MYO18B: variants seen among roughly 807,000 people sequenced by gnomAD.
The protein encoded by MYO18B is unconventional myosin-XVIIIb.
MYO18B carries 204 observed loss-of-function variants against 273.0 expected under a neutral mutation model. The observed-to-expected ratio is 0.75, with a 90% CI of 0.67 to 0.84. MYO18B has a LOEUF of 0.84. Among genes scored for constraint, MYO18B ranks in the 40% least tolerant of loss-of-function variants. The pLI, the probability that MYO18B is intolerant of heterozygous loss-of-function variation, is 0.00. For missense variants in MYO18B, 3,212 were observed against 3,287.6 expected (o/e 0.98, Z 0.56); for synonymous variants, 1,330 against 1,305.7 (o/e 1.02, Z -0.40).
chr22:25,770,800 C>A (rs1237126132), intron 5 of MYO18B, 72 bp from the exon 6 acceptor site: 3 of 1,089,422 alleles, frequency 2.8e-6, no homozygotes, highest in African/African-American at 1.6e-5. Context: ...TTATCTCCTG[C>A]CCTCGCCTCT....
rs577217976 is a variant in MYO18B, at chr22:25,980,165, C to A, written c.6157-12198C>A. 1.6e-4 allele frequency among the ~76,000 whole-genome samples: 24 copies of A among 152,240 alleles called. 1 individual carries two copies. In the South Asian group the frequency reaches 4.8e-3, roughly 30 times the overall value. ...CATGCTCCAAGACTCCGTTTTGGCCCCTGGTATCTGGCATGTGTGTCCAGA... is the reference window on the plus strand; with the variant it reads ...CATGCTCCAAGACTCCGTTTTGGCCACTGGTATCTGGCATGTGTGTCCAGA... On this transcript the variant is annotated intron_variant, in intron 39 of 43. Coordinates refer to ENST00000335473, the MANE Select transcript of MYO18B (RefSeq NM_032608.7).
At chr22:25,857,906 G>A (rs928921874) in intron 21 of MYO18B, among the ~76,000 whole-genome samples, 4 of 152,254 alleles carry the variant, frequency 2.6e-5, no homozygotes, top group African/African-American at 9.6e-5. Context: ...AACCACCTTG[G>A]TCTACCAAAG....
chr22:25,829,287 C>A (rs1004320763), intron 15 of MYO18B, among the ~76,000 whole-genome samples: 1 of 152,186 alleles, frequency 6.6e-6, no homozygotes, highest in African/African-American at 2.4e-5. Flanking sequence ...GCAGAAGGCT[C>A]CTCCAAGAGT....
chr22:25,764,397 T>G (rs1250687070), intron 3 of MYO18B, among the ~76,000 whole-genome samples: 1 of 152,162 alleles, frequency 6.6e-6, no homozygotes, highest in Non-Finnish European at 1.5e-5. Flanking sequence ...AGGGCATCTC[T>G]TTGTGTCTCC....
chr22:25,932,346 C>T (rs2092514905), intron 34 of MYO18B, among the ~76,000 whole-genome samples: 1 of 151,624 alleles, frequency 6.6e-6, no homozygotes, highest in Middle Eastern at 3.2e-3. Context: ...TCCTTCCTTC[C>T]TTCTTTCTTC....
intron 41 of MYO18B, 50 bp downstream of exon 41, chr22:26,003,359 G>A: frequency 6.5e-7 from 1 of 1,533,784 alleles, no homozygotes; most frequent in South Asian, 1.2e-5. Context: ...TGAGCCCCTG[G>A]CTCTCTCTGT....
rs931374147 is a variant in MYO18B at position 25,868,262 on chromosome 22, C to G, written c.3886-58C>G. 16 of 1,456,582 alleles carry G rather than the reference C, an allele frequency of 1.1e-5. No homozygotes were observed. In the South Asian group the frequency reaches 1.7e-4, roughly 16 times the overall value. 90.2% of individuals were successfully genotyped at this position (1,456,582 alleles called of 1,614,324 possible). A position where few individuals can be genotyped will look rare whatever the true frequency, so the allele number is the denominator to read the frequency against. ...CAGCCATCGAGCCAGCTTGACTTTC[C>G]CCTTTAGGATCCTCCTACCTTCTAT... On this transcript the variant is annotated intron_variant, in intron 21 of 43. Transcript: ENST00000335473.
At chr22:25,858,631 G>A (rs2090642614) in intron 21 of MYO18B, among the ~76,000 whole-genome samples, 1 of 152,048 alleles carries the variant, frequency 6.6e-6, no homozygotes, top group African/African-American at 2.4e-5. Flanking sequence ...ATGGAACTCT[G>A]TAAGTGGGGG....
At chr22:25,916,250 TAG>T (rs1371644801) in intron 33 of MYO18B, among the ~76,000 whole-genome samples, 2 of 152,192 alleles carry the variant, frequency 1.3e-5, no homozygotes, top group African/African-American at 4.8e-5. Flanking sequence ...TTAGTCTTGT[TAG>T]AGTTTTGTCT....
intron 12 of MYO18B, among the ~76,000 whole-genome samples, chr22:25,809,667 A>C (rs5761241): frequency 2.0e-5 from 3 of 152,048 alleles, no homozygotes; most frequent in African/African-American, 7.2e-5. Context: ...GCTGTAACTC[A>C]GGGAGCCAGG....
intron 12 of MYO18B, among the ~76,000 whole-genome samples, chr22:25,798,556 T>C (rs2088033702): frequency 6.6e-6 from 1 of 151,806 alleles, no homozygotes; most frequent in South Asian, 2.1e-4. Flanking sequence ...CTGTGTTTTT[T>C]TCTTTTTCTT....
rs188321664 is a variant in MYO18B at position 25,836,070 on chromosome 22, G to A, written c.3208+627G>A. 2.6e-5 allele frequency among the ~76,000 whole-genome samples: 4 copies of A among 152,306 alleles called. No homozygotes were observed. The East Asian group carries it at 7.7e-4, about 29-fold the overall frequency. ...CTGCCCCAGGAGGTAGAAACCTCTG[G>A]AAGTGTTTAGCAGGTAAAGTCCATA... On this transcript the variant is annotated intron_variant, in intron 17 of 43. Coordinates refer to ENST00000335473, the MANE Select transcript of MYO18B (RefSeq NM_032608.7).
chr22:25,932,825 G>A (rs956471966), intron 34 of MYO18B, among the ~76,000 whole-genome samples: 1 of 128,584 alleles, frequency 7.8e-6, no homozygotes, highest in Non-Finnish European at 1.7e-5. Context: ...GGTGAGCAAA[G>A]AATTTTTTTT....
intron 34 of MYO18B, among the ~76,000 whole-genome samples, chr22:25,924,798 C>T (rs1457685543): frequency 6.6e-6 from 1 of 152,142 alleles, no homozygotes; most frequent in East Asian, 1.9e-4. Flanking sequence ...AAGGCTAATG[C>T]ACCCTTCTAG....
At chr22:25,824,927 C>T (rs975216328) in intron 13 of MYO18B, among the ~76,000 whole-genome samples, 5 of 152,006 alleles carry the variant, frequency 3.3e-5, no homozygotes, top group Admixed American at 6.6e-5. Context: ...GAATCACACA[C>T]ATGCACAGAC....
Position 25,947,702 on chromosome 22 carries a change from C to T in MYO18B, c.5632-10C>T, listed in dbSNP as rs1483927139. The T allele has an allele frequency of 1.9e-6, 3 of 1,610,206 alleles. No individual in the cohort carries two copies. Among genetic ancestry groups the T allele is most frequent in the Non-Finnish European group, 2.5e-6 (3 of 1,177,618 alleles). On this transcript the variant is annotated splice_polypyrimidine_tract_variant and intron_variant, in intron 35 of 43. Coordinates refer to ENST00000335473, the MANE Select transcript of MYO18B (RefSeq NM_032608.7). ...TCACCTTGCCTTGACCACTGATCTGCCTCCCCCAGGTGGATGAGCAGCTGT... is the reference window on the plus strand; with the variant it reads ...TCACCTTGCCTTGACCACTGATCTGTCTCCCCCAGGTGGATGAGCAGCTGT...
chr22:25,923,854 G>A (rs913562588), intron 34 of MYO18B, among the ~76,000 whole-genome samples: 4 of 152,220 alleles, frequency 2.6e-5, no homozygotes, highest in Non-Finnish European at 5.9e-5. Flanking sequence ...AAACCACACA[G>A]AGATTTTGTT....
chr22:25,750,071 C>T (rs1048247036), intron 1 of MYO18B, among the ~76,000 whole-genome samples: 6 of 152,178 alleles, frequency 3.9e-5, no homozygotes, highest in African/African-American at 1.4e-4. Flanking sequence ...TGGCGCTTTA[C>T]AGAAAATATT....
At chr22:25,798,613 G>T (rs928234721) in intron 12 of MYO18B, among the ~76,000 whole-genome samples, 6 of 152,072 alleles carry the variant, frequency 3.9e-5, no homozygotes, top group African/African-American at 1.4e-4. Flanking sequence ...GTTCAGGGCA[G>T]TAGTGGTGCG....
Sources: allele counts gnomAD v4.1 joint callset (sites outside exome capture counted in the v4.1 genomes callset), GRCh38; gene constraint gnomAD v4.1.1; transcripts MANE v1.5; gene names NCBI Gene and HGNC (gene_info 2026-07-23, HGNC 2026-07-21).